Variants in COX11 observed in about 807,000 individuals in gnomAD.
COX11 encodes the protein cytochrome c oxidase assembly protein COX11, mitochondrial.
In COX11, 18 loss-of-function variants were observed where a neutral mutation model predicts 29.4. That is an observed-to-expected ratio of 0.61 (90% confidence interval 0.42 to 0.91). The LOEUF is 0.91. COX11 is among the 40% of genes least tolerant of loss of function. The pLI is 0.00. For missense variants in COX11, 312 were observed against 346.0 expected (o/e 0.90, Z 0.78); for synonymous variants, 131 against 124.0 (o/e 1.06, Z -0.38).
At chr17:54,968,748 T>C (rs2077328330), upstream of COX11, 73 of 1,375,050 alleles carry the variant, frequency 5.3e-5, no homozygotes, top group Non-Finnish European at 7.2e-5. Context: ...GCCGCTGCCT[T>C]GGCTACCAGG....
chr17:54,959,617 T>C (rs1267806760), downstream of COX11: 1 of 27,292 alleles, frequency 3.7e-5, no homozygotes, highest in East Asian at 3.4e-4. Context: ...GGAAGATTAA[T>C]TTTTTTTTTT....
At chr17:54,963,495 T>C (rs2077167535) in intron 2 of COX11, 64 bp from the exon 3 acceptor site, 1 of 1,485,900 alleles carries the variant, frequency 6.7e-7, no homozygotes, top group South Asian at 1.3e-5. Context: ...TTTTCCCTGC[T>C]AAATTAGTCT....
At position 54,966,015 on chromosome 17, in the gene COX11, G is replaced by A. The variant is rs1057441555; in HGVS notation, c.367-1163C>T. 2.6e-5 allele frequency among the ~76,000 whole-genome samples: 4 copies of A among 152,264 alleles called. No individual in the cohort carries two copies. The East Asian group carries it at 5.8e-4, about 22-fold the overall frequency. ...TGTTTTAGCATTCTCTGTTTGTTAC[G>A]CAAGTCAACTAACTTCATTTGACTG... On this transcript the variant is annotated intron_variant, in intron 1 of 3. Transcript: ENST00000299335.
At chr17:54,959,909 A>G (rs2077070349), downstream of COX11, among the ~76,000 whole-genome samples, 1 of 152,098 alleles carries the variant, frequency 6.6e-6, no homozygotes, top group Non-Finnish European at 1.5e-5. Flanking sequence ...GAGCCACTGC[A>G]CTTGTCCTAA....
chr17:54,956,299 C>G (rs1345533045), downstream of COX11, among the ~76,000 whole-genome samples: 1 of 152,040 alleles, frequency 6.6e-6, no homozygotes, highest in Non-Finnish European at 1.5e-5. Context: ...GGTGTGCTAC[C>G]ATGCCTGGCT....
downstream of COX11, among the ~76,000 whole-genome samples, chr17:54,956,226 C>T (rs1388581282): frequency 6.6e-6 from 1 of 152,168 alleles, no homozygotes; most frequent in African/African-American, 2.4e-5. Context: ...CTTACTGCAA[C>T]CTTGACTTCC....
chr17:54,968,736 C>T (rs2077328132), upstream of COX11: 9 of 1,448,244 alleles, frequency 6.2e-6, no homozygotes, highest in Admixed American at 1.1e-4. Flanking sequence ...TGGGTTGAGC[C>T]TGCCGCTGCC....
At chr17:54,967,201 T>C (rs1167457349) in intron 1 of COX11, among the ~76,000 whole-genome samples, 1 of 152,200 alleles carries the variant, frequency 6.6e-6, no homozygotes, top group Non-Finnish European at 1.5e-5. Context: ...CACTGTGGCC[T>C]TGTGATAAAA....
rs1475650438 is a variant in COX11 at position 54,968,605 on chromosome 17, G to A, written c.42C>T (p.Phe14=). The change falls in exon 1 of 4, where the codon TTC becomes TTT. Residue 14 remains phenylalanine, a synonymous_variant. Coordinates refer to ENST00000299335, the MANE Select transcript of COX11 (RefSeq NM_004375.5). The stretch of plus-strand genomic sequence containing the variant: ...CAGGGTGGATCCAGCGCCAGCCACA[G>A]AAAGGAACGCACCTCCATCCAGGAC... ...LWRPGWRCVP[F]CGWRWIHPGS... is the part of the protein sequence containing the mutation. 4 of 1,612,856 alleles carry A rather than the reference G, an allele frequency of 2.5e-6. No homozygotes were observed. Among genetic ancestry groups the A allele is most frequent in the African/African-American group, 1.3e-5 (1 of 74,884 alleles).
downstream of COX11, among the ~76,000 whole-genome samples, chr17:54,955,543 ATCCAGAC>A (rs1423881467): frequency 6.6e-6 from 1 of 152,190 alleles, no homozygotes; most frequent in Non-Finnish European, 1.5e-5. Context: ...GGGTAGAAGA[ATCCAGAC>A]TTCATATTCA....
intron 1 of COX11, among the ~76,000 whole-genome samples, chr17:54,965,890 G>A (rs2144163041): frequency 6.6e-6 from 1 of 151,996 alleles, no homozygotes; most frequent in Non-Finnish European, 1.5e-5. Context: ...ACTTGAGGTT[G>A]CCAGAATTCT....
chr17:54,959,956 G>C (rs2077071805), downstream of COX11, among the ~76,000 whole-genome samples: 1 of 152,066 alleles, frequency 6.6e-6, no homozygotes, highest in African/African-American at 2.4e-5. Context: ...AAGAAACTGA[G>C]GAGTTTTTTA....
chr17:54,967,042 G>GCACACACACA lies in COX11; in HGVS notation c.366+1229_366+1238dup, dbSNP rs71159276. Among the ~76,000 whole-genome samples, 733 of 96,086 alleles carry GCACACACACA rather than the reference G, an allele frequency of 7.6e-3. 6 individuals are homozygous for GCACACACACA. The highest frequency in any genetic ancestry group is 0.014 in the Non-Finnish European group (523 of 36,618). The allele number at this position is 96,086 out of a possible 152,430, so 63.0% of individuals were successfully genotyped here. ...TAAATAAATAAACGTGCGCGCGCGC[G>GCACACACACA]CACACACACACACACACACACACAC... On this transcript the variant is annotated intron_variant, in intron 1 of 3. Transcript: ENST00000299335.
rs2077320288 is a variant in COX11 at position 54,968,561 on chromosome 17, G to A, written c.86C>T (p.Ala29Val). 1 of 1,612,904 alleles carries A rather than the reference G, an allele frequency of 6.2e-7. No homozygotes were observed. Among genetic ancestry groups the A allele is most frequent in the Admixed American group, 1.7e-5 (1 of 59,994 alleles). Reference protein sequence around the residue: ...WIHPGSPTRAAERVEPFLRPE... With the variant: ...WIHPGSPTRAVERVEPFLRPE... Reference sequence around the variant, plus strand: ...CCTAAGAAACGGCTCTACCCTCTCTGCAGCCCTGGTTGGAGACCCAGGGTG... The same window carrying A: ...CCTAAGAAACGGCTCTACCCTCTCTACAGCCCTGGTTGGAGACCCAGGGTG... The change falls in exon 1 of 4, where the codon GCA becomes GTA. Residue 29 changes from alanine to valine, a missense_variant. By Grantham distance (64) the Ala-to-Val change is moderately conservative (BLOSUM62 0). Around this residue, in one of 2 missense-constraint regions of COX11, gnomAD observed 130 missense variants for 106.0 expected, o/e 1.23. Transcript: ENST00000299335.
At chr17:54,967,938 G>A (rs1156641480) in intron 1 of COX11, among the ~76,000 whole-genome samples, 1 of 151,256 alleles carries the variant, frequency 6.6e-6, no homozygotes, top group Non-Finnish European at 1.5e-5. Context: ...CATTTTAAAA[G>A]CGTGTGTGCG....
At chr17:54,967,062 AC>A (rs2077241538) in intron 1 of COX11, among the ~76,000 whole-genome samples, 4 of 91,252 alleles carry the variant, frequency 4.4e-5, no homozygotes, top group African/African-American at 1.3e-4. Flanking sequence ...ACACACACAC[AC>A]ACACACACAC....
In COX11 at chr17:54,961,358, T is replaced by C; in HGVS notation, c.*1375A>G. Reference sequence around the variant, plus strand: ...ACATGTCAAAGCCATGGTGGCACATTTCTGCTATAATGAAGATTAAATAGA... The same window carrying C: ...ACATGTCAAAGCCATGGTGGCACATCTCTGCTATAATGAAGATTAAATAGA... On this transcript the variant is annotated 3_prime_UTR_variant, in exon 4 of 4. Transcript: ENST00000299335. 1 of 1,551,244 alleles carries C rather than the reference T, an allele frequency of 6.4e-7. No individual in the cohort carries two copies. The highest frequency in any genetic ancestry group is 1.2e-5 in the South Asian group (1 of 84,036).
chr17:54,964,022 T>C (rs866089912), intron 2 of COX11, among the ~76,000 whole-genome samples: 5 of 152,260 alleles, frequency 3.3e-5, no homozygotes, highest in African/African-American at 1.2e-4. Context: ...TCATAACCTA[T>C]AAAATCTTTA....
rs541289703 is a variant in COX11, at chr17:54,961,008, T to C, written c.*1725A>G. On this transcript the variant is annotated 3_prime_UTR_variant, in exon 4 of 4. Transcript: ENST00000299335. ...CCTCCAAATAGGTCTGAATTTTTCC[T>C]ATTTTCAGCACTACTAATCCCATGT... is the stretch of plus-strand genomic sequence containing the variant. 5.9e-4 allele frequency: 331 copies of C among 563,630 alleles called. 1 individual carries two copies. Among genetic ancestry groups the C allele is most frequent in the Non-Finnish European group, 9.6e-4 (306 of 319,494 alleles). 34.9% of individuals were successfully genotyped at this position (563,630 alleles called of 1,614,324 possible). A position where few individuals can be genotyped will look rare whatever the true frequency, so the allele number is the denominator to read the frequency against.
Sources: gnomAD v4.1 joint callset for allele counts (sites outside exome capture counted in the v4.1 genomes callset) on GRCh38, gnomAD v4.1.1 for gene constraint, gnomAD v4.1.1 regional missense constraint, MANE v1.5 for transcripts, NCBI Gene and HGNC (gene_info 2026-07-23, HGNC 2026-07-21) for gene names.